Variants in LMO4 observed in about 807,000 individuals in gnomAD.
The protein encoded by LMO4 is LIM domain transcription factor LMO4.
LMO4 carries 3 observed loss-of-function variants against 18.5 expected under a neutral mutation model. The observed-to-expected ratio is 0.16, with a 90% CI of 0.07 to 0.42. LMO4 has a LOEUF of 0.42. Ranked by LOEUF, LMO4 falls within the 10% of genes least tolerant of loss-of-function variation. The pLI, the probability that LMO4 is intolerant of heterozygous loss-of-function variation, is 0.99. For missense variants in LMO4, 121 were observed against 219.9 expected (o/e 0.55, Z 2.84); for synonymous variants, 100 against 88.1 (o/e 1.14, Z -0.76).
Position 87,347,606 on chromosome 1 carries a change from C to A in LMO4, c.*2810C>A, listed in dbSNP as rs1305666569. 1 of 152,154 alleles carries A rather than the reference C, an allele frequency of 6.6e-6. No homozygotes were observed. Among genetic ancestry groups the A allele is most frequent in the East Asian group, 1.9e-4 (1 of 5,196 alleles). 9.4% of individuals were successfully genotyped at this position (152,154 alleles called of 1,614,324 possible). A position where few individuals can be genotyped will look rare whatever the true frequency, so the allele number is the denominator to read the frequency against. On this transcript the variant is annotated 3_prime_UTR_variant, in exon 5 of 5. Coordinates refer to ENST00000370544, the MANE Select transcript of LMO4 (RefSeq NM_006769.4). Reference sequence around the variant, plus strand: ...CAAGATGGCCCCCAGTCCCTACAAGCAAGTGCAATTAAAAATAAAAGCAAA... The same window carrying A: ...CAAGATGGCCCCCAGTCCCTACAAGAAAGTGCAATTAAAAATAAAAGCAAA...
At chr1:87,335,098 GC>G (rs561333856) in intron 2 of LMO4, among the ~76,000 whole-genome samples, 2 of 152,050 alleles carry the variant, frequency 1.3e-5, no homozygotes, top group African/African-American at 2.4e-5. Context: ...CGCCTGCCTG[GC>G]CCCCCCATCT....
chr1:87,341,364 A>T (rs1650468254), intron 4 of LMO4, among the ~76,000 whole-genome samples: 1 of 152,200 alleles, frequency 6.6e-6, no homozygotes, highest in Admixed American at 6.5e-5. Flanking sequence ...GAGTTATTGC[A>T]TTGAAACAAA....
intron 1 of LMO4, 154 bp from the exon 2 acceptor site, chr1:87,331,859 C>G: frequency 3.3e-5 from 20 of 606,544 alleles, no homozygotes; most frequent in Admixed American, 1.8e-4. Flanking sequence ...CTTCCCTCTC[C>G]CCCTCAGCCT....
At chr1:87,341,325 A>T (rs1207089242) in intron 4 of LMO4, among the ~76,000 whole-genome samples, 2 of 152,152 alleles carry the variant, frequency 1.3e-5, no homozygotes, top group Non-Finnish European at 2.9e-5. Context: ...TGACTTTTTC[A>T]TCATTAACCC....
rs367911631 is a variant in LMO4, at chr1:87,331,633, C to T, written c.-3-380C>T. The T allele has an allele frequency of 6.6e-4, 143 of 216,786 alleles. 1 individual carries two copies. In the South Asian group the frequency reaches 0.011, roughly 17 times the overall value. The allele number at this position is 216,786 out of a possible 1,614,324, so 13.4% of individuals were successfully genotyped here. On this transcript the variant is annotated intron_variant, in intron 1 of 4. Coordinates refer to ENST00000370544, the MANE Select transcript of LMO4 (RefSeq NM_006769.4). ...ACCCTCATTTGCTGGAGGCGGGCGG[C>T]GGAGGAGGGGAGGAGGGGGCAGTGG...
chr1:87,330,794 G>A (rs1650117063), intron 1 of LMO4, among the ~76,000 whole-genome samples: 1 of 152,202 alleles, frequency 6.6e-6, no homozygotes, highest in Non-Finnish European at 1.5e-5. Flanking sequence ...TGCTTAATTG[G>A]CAGTAAATAA....
chr1:87,348,105 C>G lies in LMO4; in HGVS notation c.*3309C>G, dbSNP rs1650686003. On this transcript the variant is annotated 3_prime_UTR_variant, in exon 5 of 5. Coordinates refer to ENST00000370544, the MANE Select transcript of LMO4 (RefSeq NM_006769.4). ...CAATATAGTAAGATTCTAATGTGCACTACTATTTATATAAAATATTTCTTA... is the reference window on the plus strand; with the variant it reads ...CAATATAGTAAGATTCTAATGTGCAGTACTATTTATATAAAATATTTCTTA... The G allele has an allele frequency of 6.6e-6, 1 of 152,288 alleles. No homozygotes were observed. Among genetic ancestry groups the G allele is most frequent in the Non-Finnish European group, 1.5e-5 (1 of 68,140 alleles). The allele number at this position is 152,288 out of a possible 1,614,324, so 9.4% of individuals were successfully genotyped here.
chr1:87,340,075 G>A lies in LMO4; in HGVS notation c.362G>A (p.Arg121His). The A allele has an allele frequency of 6.2e-7, 1 of 1,613,782 alleles. No individual in the cohort carries two copies. Among genetic ancestry groups the A allele is most frequent in the Non-Finnish European group, 8.5e-7 (1 of 1,179,906 alleles). Reference protein sequence around the residue: ...KCFTCSTCRNRLVPGDRFHYI... With the variant: ...KCFTCSTCRNHLVPGDRFHYI... The stretch of plus-strand genomic sequence containing the variant: ...TTTACATGCTCTACCTGCCGGAATC[G>A]CCTGGTCCCGGGAGATCGGTTTCAC... The change falls in exon 4 of 5, where the codon CGC becomes CAC. Residue 121 changes from arginine to histidine, a missense_variant. Around this residue, in one of 4 missense-constraint regions of LMO4, gnomAD observed 62 missense variants for 128.8 expected, o/e 0.48. Transcript: ENST00000370544.
At position 87,348,143 on chromosome 1, in the gene LMO4, CATATA is replaced by C. The variant is rs1266982426; in HGVS notation, c.*3351_*3355del. On this transcript the variant is annotated 3_prime_UTR_variant, in exon 5 of 5. Transcript: ENST00000370544. ...AAAATATTTCTTAGGGCCCATAAAT[CATATA>C]ATAAACAGTGAACCCAAGAGCTACA... The C allele has an allele frequency of 6.6e-6, 1 of 152,290 alleles. No individual in the cohort carries two copies. Among genetic ancestry groups the C allele is most frequent in the African/African-American group, 2.4e-5 (1 of 41,406 alleles). 9.4% of individuals were successfully genotyped at this position (152,290 alleles called of 1,614,324 possible). A position where few individuals can be genotyped will look rare whatever the true frequency, so the allele number is the denominator to read the frequency against.
At chr1:87,342,639 G>A (rs1048707434) in intron 4 of LMO4, among the ~76,000 whole-genome samples, 4 of 152,140 alleles carry the variant, frequency 2.6e-5, no homozygotes, top group African/African-American at 9.7e-5. Flanking sequence ...TTTTGGGGGT[G>A]CTGTTAATTA....
At chr1:87,330,085 C>T (rs1166666020) in intron 1 of LMO4, among the ~76,000 whole-genome samples, 3 of 147,790 alleles carry the variant, frequency 2.0e-5, no homozygotes, top group African/African-American at 7.5e-5. Context: ...AGTTTCTGGT[C>T]AGTCTTCTTG....
chr1:87,339,959 T>TA, intron 3 of LMO4, 88 bp from the exon 4 acceptor site: 2 of 1,387,146 alleles, frequency 1.4e-6, no homozygotes, highest in Non-Finnish European at 2.0e-6. Context: ...ACTTGACAGA[T>TA]ACCTGCTTAA....
intron 2 of LMO4, among the ~76,000 whole-genome samples, chr1:87,338,314 C>G (rs1395346281): frequency 6.6e-6 from 1 of 152,146 alleles, no homozygotes; most frequent in South Asian, 2.1e-4. Flanking sequence ...CATTTTATGA[C>G]TTTATTTGGA....
chr1:87,335,537 G>T (rs554103857), intron 2 of LMO4, among the ~76,000 whole-genome samples: 9 of 152,134 alleles, frequency 5.9e-5, no homozygotes, highest in Admixed American at 5.9e-4. Context: ...GGTTCACGTG[G>T]CGCCCGCAGC....
At chr1:87,334,456 C>T (rs1236869834) in intron 2 of LMO4, among the ~76,000 whole-genome samples, 1 of 152,214 alleles carries the variant, frequency 6.6e-6, no homozygotes, top group Non-Finnish European at 1.5e-5. Flanking sequence ...CTGTTCCTCT[C>T]AGCTACCCCC....
rs776114153 is a variant in LMO4, at chr1:87,344,803, A to G, written c.*7A>G. 1.5e-5 allele frequency: 25 copies of G among 1,613,766 alleles called. No individual in the cohort carries two copies. In the South Asian group the frequency reaches 2.5e-4, roughly 16 times the overall value. ...TTTCTTGCAGGTCTGCTAAAAGGTC[A>G]GAGTAATGCAGAATGCGTGCCTTCA... On this transcript the variant is annotated 3_prime_UTR_variant, in exon 5 of 5. Coordinates refer to ENST00000370544, the MANE Select transcript of LMO4 (RefSeq NM_006769.4).
At chr1:87,330,463 G>A (rs1022921058) in intron 1 of LMO4, among the ~76,000 whole-genome samples, 6 of 152,200 alleles carry the variant, frequency 3.9e-5, no homozygotes, top group African/African-American at 1.4e-4. Flanking sequence ...AATGCTAATG[G>A]GTTTTAGAGT....
rs112430051 is a variant in LMO4 at position 87,343,253 on chromosome 1, A to G, written c.490-1535A>G. Among the ~76,000 whole-genome samples, 211 of 152,296 alleles carry G rather than the reference A, an allele frequency of 1.4e-3. 1 individual carries two copies. Among genetic ancestry groups the G allele is most frequent in the African/African-American group, 4.5e-3 (187 of 41,548 alleles). On this transcript the variant is annotated intron_variant, in intron 4 of 4. Coordinates refer to ENST00000370544, the MANE Select transcript of LMO4 (RefSeq NM_006769.4). ...GTTGTTCTGCATCATTGGCTGTTGT[A>G]TATTCCAAGAAAAATAATTTTAAGC...
rs1650584793 is a variant in LMO4, at chr1:87,344,840, T to C, written c.*44T>C. On this transcript the variant is annotated 3_prime_UTR_variant, in exon 5 of 5. Transcript: ENST00000370544. ...AATGCGTGCCTTCATCTCAGATTTG[T>C]TCATCACAGGTGGATCCCATGTGTC... 1 of 1,607,892 alleles carries C rather than the reference T, an allele frequency of 6.2e-7. No homozygotes were observed. The highest frequency in any genetic ancestry group is 1.3e-5 in the African/African-American group (1 of 74,766).
Sources: allele counts gnomAD v4.1 joint callset (sites outside exome capture counted in the v4.1 genomes callset), GRCh38; gene constraint gnomAD v4.1.1; regional missense constraint gnomAD v4.1.1; transcripts MANE v1.5; gene names NCBI Gene and HGNC (gene_info 2026-07-23, HGNC 2026-07-21).